Variants in ADAM29 observed in about 807,000 individuals in gnomAD.
ADAM29 encodes ADAM metallopeptidase domain 29.
For synonymous variants in ADAM29, 367 were observed against 342.3 expected, an observed-to-expected ratio of 1.07 and a Z score of -0.80; for missense variants, 969 against 1,001.8, an observed-to-expected ratio of 0.97 and a Z score of 0.44.
chr4:174,929,419 T>A (rs568600284), intron 2 of ADAM29, among the ~76,000 whole-genome samples: 31 of 152,232 alleles, frequency 2.0e-4, no homozygotes, highest in Middle Eastern at 3.4e-3. Context: ...GAGGTCCTTA[T>A]CACACAGCTA....
Position 174,976,196 on chromosome 4 carries a change from A to G in ADAM29, c.671A>G (p.Asp224Gly), listed in dbSNP as rs1227449819. 1.2e-6 allele frequency: 2 copies of G among 1,608,314 alleles called. No individual in the cohort carries two copies. The highest frequency in any genetic ancestry group is 1.1e-5 in the South Asian group (1 of 89,638). The part of the protein sequence containing the change: ...YERNDSKLLE[D>G]LYVIVNIVDS... ...AGGAACGACTCAAAGTTGCTGGAGG[A>G]TCTATATGTTATTGTTAATATAGTG... is the stretch of plus-strand genomic sequence containing the variant. The change falls in exon 5 of 5, where the codon GAT (aspartate) becomes GGT (glycine). Residue 224 changes from aspartate to glycine, a missense_variant. By Grantham distance (94) the Asp-to-Gly change is moderately conservative. Coordinates refer to ENST00000359240, the MANE Select transcript of ADAM29 (RefSeq NM_014269.4).
intron 2 of ADAM29, among the ~76,000 whole-genome samples, chr4:174,921,269 A>G (rs1184655158): frequency 6.6e-6 from 1 of 152,156 alleles, no homozygotes; most frequent in Non-Finnish European, 1.5e-5. Context: ...ATAATATGAA[A>G]ATCACCTCTG....
intron 4 of ADAM29, among the ~76,000 whole-genome samples, chr4:174,950,961 T>G (rs1229899116): frequency 6.6e-6 from 1 of 152,134 alleles, no homozygotes; most frequent in Non-Finnish European, 1.5e-5. Flanking sequence ...CCACCATGAT[T>G]GTAAGTAAGT....
intron 4 of ADAM29, among the ~76,000 whole-genome samples, chr4:174,961,201 A>G (rs1040403953): frequency 6.6e-6 from 1 of 152,016 alleles, no homozygotes; most frequent in African/African-American, 2.4e-5. Flanking sequence ...TATTTTTTAT[A>G]AACTTCTCAT....
intron 4 of ADAM29, among the ~76,000 whole-genome samples, chr4:174,940,531 A>C (rs11731136): frequency 0.7 from 106,805 of 151,830 alleles, 39,161 homozygotes; most frequent in Non-Finnish European, 0.8. Context: ...GAGCCACACA[A>C]AGTATTTTTC....
rs1746730300 is a variant in ADAM29, at chr4:174,975,706, C to G, written c.181C>G (p.Gln61Glu). The change falls in exon 5 of 5, where the codon CAG becomes GAG. Residue 61 changes from glutamine to glutamate, a missense_variant. Coordinates refer to ENST00000359240, the MANE Select transcript of ADAM29 (RefSeq NM_014269.4). ...CTCCTATATCCTGCCCTTTGGAGGC[C>G]AGAAACACATTATCCACATAAAGGT... ...WLSYILPFGG[Q>E]KHIIHIKVKK... is the part of the protein sequence containing the mutation. 6.2e-7 allele frequency: 1 copy of G among 1,611,346 alleles called. No individual in the cohort carries two copies. The highest frequency in any genetic ancestry group is 2.2e-5 in the East Asian group (1 of 44,854).
intron 4 of ADAM29, among the ~76,000 whole-genome samples, chr4:174,958,797 T>A (rs991716456): frequency 2.6e-5 from 4 of 151,808 alleles, no homozygotes; most frequent in East Asian, 1.9e-4. Flanking sequence ...TTTTTACATA[T>A]CTGTAGGTGA....
At chr4:174,964,213 G>A (rs956143969) in intron 4 of ADAM29, among the ~76,000 whole-genome samples, 7 of 151,850 alleles carry the variant, frequency 4.6e-5, no homozygotes, top group Non-Finnish European at 8.8e-5. Flanking sequence ...GGGTGGGCTC[G>A]AATCCAATTT....
At chr4:174,964,170 TAA>T (rs1379774282) in intron 4 of ADAM29, among the ~76,000 whole-genome samples, 3 of 152,026 alleles carry the variant, frequency 2.0e-5, no homozygotes, top group Non-Finnish European at 4.4e-5. Context: ...ATAGCTTCTA[TAA>T]AGAGGTGATT....
chr4:174,932,449 C>T (rs1743944258), intron 3 of ADAM29, among the ~76,000 whole-genome samples: 1 of 152,106 alleles, frequency 6.6e-6, no homozygotes, highest in Non-Finnish European at 1.5e-5. Flanking sequence ...ATAACCAAGT[C>T]TGTATCCTCA....
chr4:174,971,316 C>A (rs1289293661), intron 4 of ADAM29, among the ~76,000 whole-genome samples: 2 of 152,144 alleles, frequency 1.3e-5, no homozygotes, highest in African/African-American at 4.8e-5. Context: ...TTCATACTTT[C>A]TTATGCTATG....
intron 4 of ADAM29, 74 bp from the exon 5 acceptor site, chr4:174,975,272 C>T (rs768679422): frequency 7.2e-5 from 26 of 360,746 alleles, no homozygotes; most frequent in Non-Finnish European, 1.0e-4. Context: ...TCTTTCTCCT[C>T]TTCCCCACTG....
chr4:174,925,500 G>T (rs1168173595), intron 2 of ADAM29, among the ~76,000 whole-genome samples: 11 of 152,026 alleles, frequency 7.2e-5, no homozygotes, highest in Non-Finnish European at 1.2e-4. Context: ...GTAATTAAAT[G>T]GTTCTTTTAT....
intron 4 of ADAM29, among the ~76,000 whole-genome samples, chr4:174,951,138 G>A (rs1745153787): frequency 6.6e-6 from 1 of 152,122 alleles, no homozygotes; most frequent in Admixed American, 6.6e-5. Flanking sequence ...GGTGGTAAAT[G>A]CTTTATAGAT....
intron 4 of ADAM29, among the ~76,000 whole-genome samples, chr4:174,941,591 C>A (rs998913120): frequency 6.6e-6 from 1 of 152,074 alleles, no homozygotes; most frequent in Admixed American, 6.5e-5. Flanking sequence ...TGAGAACTCA[C>A]TCACTGTCAT....
At chr4:174,970,829 T>C (rs1444507169) in intron 4 of ADAM29, among the ~76,000 whole-genome samples, 1 of 152,190 alleles carries the variant, frequency 6.6e-6, no homozygotes, top group Non-Finnish European at 1.5e-5. Context: ...TGTAGTAATG[T>C]TGCCTCTTTC....
At position 174,976,371 on chromosome 4, in the gene ADAM29, A is replaced by G. The variant is rs1274521529; in HGVS notation, c.846A>G (p.Gln282=). Residue 282 remains glutamine (Q), a synonymous_variant, in exon 5 of 5, where the codon CAA becomes CAG. Transcript: ENST00000359240. ...WKSENITPRM[Q]HDTSHLFTTL... ...CGGAGAACATTACGCCCCGGATGCA[A>G]CATGACACCTCACATCTTTTCACAA... is the stretch of plus-strand genomic sequence containing the variant. The G allele has an allele frequency of 1.9e-6, 3 of 1,602,288 alleles. No homozygotes were observed. In the African/African-American group the frequency reaches 4.0e-5, roughly 22 times the overall value.
chr4:174,968,528 GT>G (rs1024963791), intron 4 of ADAM29, among the ~76,000 whole-genome samples: 5 of 152,096 alleles, frequency 3.3e-5, no homozygotes, highest in East Asian at 3.9e-4. Flanking sequence ...TAGTGTGCAT[GT>G]TTTTTGTTTT....
At chr4:174,971,368 C>G (rs2111101224) in intron 4 of ADAM29, among the ~76,000 whole-genome samples, 1 of 152,226 alleles carries the variant, frequency 6.6e-6, no homozygotes, top group African/African-American at 2.4e-5. Context: ...TTGAAGAACT[C>G]CTTTTAGCAT....
Sources: allele counts gnomAD v4.1 joint callset (sites outside exome capture counted in the v4.1 genomes callset), GRCh38; gene constraint gnomAD v4.1.1; transcripts MANE v1.5; gene names NCBI Gene and HGNC (gene_info 2026-07-23, HGNC 2026-07-21).